UTP6: variants seen among roughly 807,000 people sequenced by gnomAD.
UTP6 encodes the protein U3 small nucleolar RNA-associated protein 6 homolog.
Under a neutral mutation model 96.5 loss-of-function variants are expected in UTP6, and 60 were observed. The ratio of observed to expected loss-of-function variants is 0.62; its 90% CI spans 0.51 to 0.77. The LOEUF (loss-of-function observed/expected upper bound fraction) is 0.77, where lower values mean the gene tolerates loss of function less well. Among genes scored for constraint, UTP6 ranks in the 30% least tolerant of loss-of-function variants. UTP6 has a pLI of 0.00. For missense variants in UTP6, 637 were observed against 706.5 expected (o/e 0.90, Z 1.12); for synonymous variants, 215 against 240.1 (o/e 0.90, Z 0.96).
intron 16 of UTP6, among the ~76,000 whole-genome samples, chr17:31,872,058 C>T (rs1186210660): frequency 2.6e-5 from 4 of 151,358 alleles, no homozygotes; most frequent in Non-Finnish European, 4.4e-5. Context: ...AGCCGGGCGT[C>T]GTGGCACATG....
intron 16 of UTP6, among the ~76,000 whole-genome samples, chr17:31,871,254 A>C (rs2142293143): frequency 6.6e-6 from 1 of 151,952 alleles, no homozygotes; most frequent in African/African-American, 2.4e-5. Flanking sequence ...GGCCTCCTAA[A>C]GTGCTAGGAT....
chr17:31,874,825 G>A (rs192424481), intron 14 of UTP6, among the ~76,000 whole-genome samples: 12 of 151,636 alleles, frequency 7.9e-5, no homozygotes, highest in South Asian at 2.1e-4. Flanking sequence ...CCAGCTACTC[G>A]GGAGGCTGAG....
chr17:31,868,324 G>GTT (rs1567776595), intron 16 of UTP6, among the ~76,000 whole-genome samples: 35 of 58,794 alleles, frequency 6.0e-4, no homozygotes, highest in African/African-American at 1.5e-3. Context: ...TTAGTTTTTT[G>GTT]GTTTTTTTTT....
At chr17:31,879,853 C>T (rs540716184) in intron 11 of UTP6, among the ~76,000 whole-genome samples, 23 of 152,014 alleles carry the variant, frequency 1.5e-4, no homozygotes, top group South Asian at 4.2e-4. Flanking sequence ...TGCGTGTAAT[C>T]CCAGCACTTT....
At chr17:31,874,888 C>T (rs948294637) in intron 14 of UTP6, among the ~76,000 whole-genome samples, 4 of 147,100 alleles carry the variant, frequency 2.7e-5, no homozygotes, top group Non-Finnish European at 4.4e-5. Flanking sequence ...GCTGAGATCA[C>T]GCCACTGCAC....
At position 31,887,268 on chromosome 17, in the gene UTP6, TCTC is replaced by T. The variant is rs765961701; in HGVS notation, c.586_588del (p.Glu196del). The T allele has an allele frequency of 8.7e-6, 14 of 1,614,048 alleles. No homozygotes were observed. The South Asian group carries it at 1.5e-4, about 18-fold the overall frequency. On this transcript the variant is annotated inframe_deletion, in exon 8 of 19. Transcript: ENST00000261708. Reference sequence around the variant, plus strand: ...ATACTGGCTTTTTCAAATTCTTCCTTCTCCTTCCTCAGTTTTTCAGCATGCATC... The same window carrying T: ...ATACTGGCTTTTTCAAATTCTTCCTTCTTCCTCAGTTTTTCAGCATGCATC...
At chr17:31,881,358 C>G (rs919491969) in intron 10 of UTP6, among the ~76,000 whole-genome samples, 1 of 151,174 alleles carries the variant, frequency 6.6e-6, no homozygotes. Context: ...CCCCCATCTC[C>G]TGGATTCAAG....
chr17:31,891,829 C>CCTG (rs770918449), intron 6 of UTP6, among the ~76,000 whole-genome samples: 3 of 152,130 alleles, frequency 2.0e-5, no homozygotes, highest in Non-Finnish European at 4.4e-5. Context: ...GAGAGACCAG[C>CCTG]CTGACCAACG....
In UTP6 at chr17:31,878,309, T is replaced by C; in HGVS notation, c.1066A>G (p.Thr356Ala). 2 of 1,614,176 alleles carry C rather than the reference T, an allele frequency of 1.2e-6. No homozygotes were observed. The highest frequency in any genetic ancestry group is 1.7e-6 in the Non-Finnish European group (2 of 1,180,034). The change falls in exon 13 of 19, where the codon ACT (threonine) becomes GCT (alanine). Residue 356 changes from threonine to alanine, a missense_variant. Coordinates refer to ENST00000261708, the MANE Select transcript of UTP6 (RefSeq NM_018428.3). ...LRGKRLERTMTVFRKAHELKL... is the reference protein window; with the variant it reads ...LRGKRLERTMAVFRKAHELKL... ...AGTTCATGTGCCTTCCTGAATACAGTCATGGTTCTTTCCAACCTCTGAAAA... is the reference window on the plus strand; with the variant it reads ...AGTTCATGTGCCTTCCTGAATACAGCCATGGTTCTTTCCAACCTCTGAAAA...
At chr17:31,895,104 C>A in intron 2 of UTP6, 93 bp from the exon 3 acceptor site, 1 of 936,870 alleles carries the variant, frequency 1.1e-6, no homozygotes, top group Non-Finnish European at 1.6e-6. Context: ...AAACAAAAAT[C>A]GAGAATATAA....
At position 31,895,000 on chromosome 17, in the gene UTP6, A is replaced by G; in HGVS notation, c.189T>C (p.Asn63=). Residue 63 remains asparagine, a synonymous_variant, in exon 3 of 19, where the codon AAT becomes AAC. Coordinates refer to ENST00000261708, the MANE Select transcript of UTP6 (RefSeq NM_018428.3). ...TTCTTCTCTGGATCAGCTCCAAAAG[A>G]TTAATTTCATACTATGAAAGAAAAA... The part of the protein sequence containing the change: ...DFINYVQYEI[N]LLELIQRRRT... 6.5e-7 allele frequency: 1 copy of G among 1,540,778 alleles called. No homozygotes were observed. The highest frequency in any genetic ancestry group is 8.8e-7 in the Non-Finnish European group (1 of 1,139,300).
At chr17:31,877,866 C>G (rs868314641) in intron 13 of UTP6, among the ~76,000 whole-genome samples, 2 of 151,046 alleles carry the variant, frequency 1.3e-5, no homozygotes, top group South Asian at 4.2e-4. Context: ...ACTTGGGAGG[C>G]TAAGGCACAA....
At chr17:31,866,252 A>G (rs1268881726) in intron 17 of UTP6, among the ~76,000 whole-genome samples, 4 of 138,398 alleles carry the variant, frequency 2.9e-5, no homozygotes, top group African/African-American at 8.3e-5. Flanking sequence ...GCGCCACTAC[A>G]CTCCAGCCTG....
intron 13 of UTP6, among the ~76,000 whole-genome samples, chr17:31,877,290 A>G (rs1470851907): frequency 1.3e-5 from 2 of 152,202 alleles, no homozygotes; most frequent in African/African-American, 4.8e-5. Context: ...AAAAAGAGAA[A>G]AAACCTAAAA....
intron 1 of UTP6, 69 bp downstream of exon 1, chr17:31,901,467 C>T (rs1717124788): frequency 6.8e-7 from 1 of 1,466,518 alleles, no homozygotes; most frequent in Admixed American, 1.7e-5. Flanking sequence ...CCACATCTAG[C>T]CCCTGCCACA....
chr17:31,872,108 T>A (rs747473025), intron 16 of UTP6, among the ~76,000 whole-genome samples: 13 of 149,002 alleles, frequency 8.7e-5, no homozygotes, highest in Non-Finnish European at 1.6e-4. Flanking sequence ...GGCAGGAGAA[T>A]CGCTTGAACC....
At chr17:31,896,799 G>C (rs1398541940) in intron 2 of UTP6, among the ~76,000 whole-genome samples, 3 of 151,982 alleles carry the variant, frequency 2.0e-5, no homozygotes, top group Non-Finnish European at 4.4e-5. Flanking sequence ...ACCATGCCCA[G>C]CTAATTTTTG....
At position 31,862,005 on chromosome 17, in the gene UTP6, G is replaced by C. The variant is rs578044490; in HGVS notation, c.*1354C>G. The C allele has an allele frequency of 6.6e-6, 1 of 152,340 alleles. No individual in the cohort carries two copies. Among genetic ancestry groups the C allele is most frequent in the South Asian group, 2.1e-4 (1 of 4,828 alleles). 9.4% of individuals were successfully genotyped at this position (152,340 alleles called of 1,614,324 possible). On this transcript the variant is annotated 3_prime_UTR_variant, in exon 19 of 19. Coordinates refer to ENST00000261708, the MANE Select transcript of UTP6 (RefSeq NM_018428.3). The stretch of plus-strand genomic sequence containing the variant: ...TCTAATTTTTAAAAAAATTAGAAAT[G>C]ACAGTCCAGGCCAGGCTTAGTGGTT...
chr17:31,895,866 T>G (rs1904605532), intron 2 of UTP6, among the ~76,000 whole-genome samples: 1 of 151,578 alleles, frequency 6.6e-6, no homozygotes, highest in Admixed American at 6.6e-5. Flanking sequence ...ACATTATCCC[T>G]TTAGCTATAT....
Sources: gnomAD v4.1 joint callset for allele counts (sites outside exome capture counted in the v4.1 genomes callset) on GRCh38, gnomAD v4.1.1 for gene constraint, MANE v1.5 for transcripts, NCBI Gene and HGNC (gene_info 2026-07-23, HGNC 2026-07-21) for gene names.